Variants in CNST observed in about 807,000 individuals in gnomAD.
CNST encodes consortin, connexin sorting protein, also known as consortin.
A neutral mutation model predicts 72.4 loss-of-function variants in CNST; 39 were observed. The observed-to-expected ratio is 0.54, with a 90% confidence interval of 0.42 to 0.70. CNST has a LOEUF of 0.70. Among genes scored for constraint, CNST ranks in the 30% least tolerant of loss-of-function variants. The probability of loss-of-function intolerance (pLI) is 0.00; values close to 1 mark genes in which losing one functional copy is unlikely to be tolerated. For missense variants in CNST, 871 were observed against 868.5 expected (o/e 1.00, Z -0.04); for synonymous variants, 332 against 320.1 (o/e 1.04, Z -0.40).
At chr1:246,604,011 G>C (rs888027905) in intron 2 of CNST, among the ~76,000 whole-genome samples, 11 of 152,178 alleles carry the variant, frequency 7.2e-5, no homozygotes, top group African/African-American at 2.7e-4. Context: ...ATCACCTGAG[G>C]TCAGGAGTTT....
At chr1:246,645,429 T>TTC (rs68161719) in intron 8 of CNST, among the ~76,000 whole-genome samples, 12 of 82,424 alleles carry the variant, frequency 1.5e-4, no homozygotes, top group African/African-American at 5.1e-4. Context: ...TAAAACTTTT[T>TTC]TTTTTTTTTT....
chr1:246,609,753 C>G (rs1037450643), intron 2 of CNST, among the ~76,000 whole-genome samples: 1 of 152,140 alleles, frequency 6.6e-6, no homozygotes, highest in African/African-American at 2.4e-5. Context: ...AAATTATGCC[C>G]AAGATATGCA....
chr1:246,627,823 G>A (rs1246320388), intron 3 of CNST, among the ~76,000 whole-genome samples: 1 of 150,784 alleles, frequency 6.6e-6, no homozygotes, highest in East Asian at 1.9e-4. Context: ...ATCTTTGGAA[G>A]GAAGAATAAC....
intron 1 of CNST, among the ~76,000 whole-genome samples, chr1:246,567,709 T>C (rs894260435): frequency 4.6e-5 from 7 of 152,208 alleles, no homozygotes; most frequent in African/African-American, 1.7e-4. Flanking sequence ...AAATATCTCA[T>C]CAACTGTTGT....
intron 1 of CNST, among the ~76,000 whole-genome samples, chr1:246,576,012 A>G (rs569170240): frequency 2.6e-5 from 4 of 151,354 alleles, no homozygotes; most frequent in Non-Finnish European, 5.9e-5. Context: ...AGGCGAGCAG[A>G]TCACTTGAGG....
intron 1 of CNST, among the ~76,000 whole-genome samples, chr1:246,574,151 C>A (rs1359957917): frequency 1.3e-5 from 2 of 152,242 alleles, no homozygotes; most frequent in African/African-American, 2.4e-5. Flanking sequence ...ACGCCATTCT[C>A]CCGCCTCAGC....
intron 1 of CNST, among the ~76,000 whole-genome samples, chr1:246,585,624 C>T (rs915240330): frequency 8.6e-5 from 10 of 116,552 alleles, no homozygotes; most frequent in Admixed American, 5.8e-4. Flanking sequence ...CCAGCCTGGG[C>T]AACAGAGACT....
At chr1:246,569,572 T>TTTTTG (rs1481123251) in intron 1 of CNST, among the ~76,000 whole-genome samples, 1 of 152,104 alleles carries the variant, frequency 6.6e-6, no homozygotes, top group Non-Finnish European at 1.5e-5. Context: ...CCTTTTAGTG[T>TTTTTG]TTTTGTTTTG....
At chr1:246,595,126 C>T (rs1466685635) in intron 2 of CNST, among the ~76,000 whole-genome samples, 2 of 152,080 alleles carry the variant, frequency 1.3e-5, no homozygotes, top group Admixed American at 6.6e-5. Flanking sequence ...ACTGAGTGTC[C>T]TGGGGTGAGT....
intron 1 of CNST, among the ~76,000 whole-genome samples, chr1:246,572,295 G>C (rs958677134): frequency 6.6e-6 from 1 of 152,152 alleles, no homozygotes; most frequent in African/African-American, 2.4e-5. Context: ...TTTGAAATAA[G>C]TTATTAAAAA....
chr1:246,634,671 TTA>T (rs1665034520), intron 6 of CNST, 84 bp downstream of exon 6: 1 of 766,738 alleles, frequency 1.3e-6, no homozygotes, highest in African/African-American at 1.8e-5. Context: ...TTTCTTTGTT[TTA>T]TGTTTTCAAC....
At chr1:246,591,476 G>A in intron 1 of CNST, 36 bp from the exon 2 acceptor site, 1 of 1,446,546 alleles carries the variant, frequency 6.9e-7, no homozygotes, top group Non-Finnish European at 9.5e-7. Context: ...GCAAAGGTTA[G>A]AAAATGAAGT....
At chr1:246,636,987 G>A (rs1029941783) in intron 6 of CNST, among the ~76,000 whole-genome samples, 1 of 152,158 alleles carries the variant, frequency 6.6e-6, no homozygotes. Context: ...GGATATTCCC[G>A]TATTAAGACT....
At chr1:246,634,898 T>A (rs1281177064) in intron 6 of CNST, among the ~76,000 whole-genome samples, 1 of 151,868 alleles carries the variant, frequency 6.6e-6, no homozygotes. Context: ...GAAGTGTCCC[T>A]GTCTGATGTA....
intron 4 of CNST, chr1:246,632,343 CG>C (rs1230045921): frequency 3.6e-6 from 1 of 280,570 alleles, no homozygotes; most frequent in Non-Finnish European, 7.0e-6. Context: ...TTGCCGCCCC[CG>C]TGATGGTGAA....
intron 9 of CNST, among the ~76,000 whole-genome samples, chr1:246,657,209 G>A (rs201454090): frequency 5.3e-4 from 81 of 152,156 alleles, no homozygotes; most frequent in African/African-American, 2.7e-4. Context: ...CAAAACTCTC[G>A]CAAAAATAGA....
At chr1:246,627,737 CAT>C (rs1664528934) in intron 3 of CNST, among the ~76,000 whole-genome samples, 1 of 151,980 alleles carries the variant, frequency 6.6e-6, no homozygotes, top group African/African-American at 2.4e-5. Context: ...TAAAAGAAGA[CAT>C]AATTCAGGCA....
intron 2 of CNST, among the ~76,000 whole-genome samples, chr1:246,603,955 T>C (rs979008815): frequency 2.0e-5 from 3 of 152,210 alleles, no homozygotes; most frequent in Non-Finnish European, 4.4e-5. Flanking sequence ...CTGGACGTGG[T>C]GGCTCACACT....
intron 2 of CNST, among the ~76,000 whole-genome samples, chr1:246,602,633 C>G (rs1662365903): frequency 6.6e-6 from 1 of 152,132 alleles, no homozygotes; most frequent in Non-Finnish European, 1.5e-5. Context: ...TCATTAGAAG[C>G]AGGTTACTGG....
Sources: allele counts gnomAD v4.1 joint callset (sites outside exome capture counted in the v4.1 genomes callset), GRCh38; gene constraint gnomAD v4.1.1; transcripts MANE v1.5; gene names NCBI Gene and HGNC (gene_info 2026-07-23, HGNC 2026-07-21).